The following COL4A5 variants were observed in gnomAD, a reference collection of about 807,000 sequenced individuals.
COL4A5 encodes the protein collagen alpha-5(IV) chain.
In COL4A5, 26 loss-of-function variants were observed where a neutral mutation model predicts 130.2. The observed-to-expected ratio is 0.20, with a 90% confidence interval of 0.15 to 0.28. The LOEUF is 0.28. Ranked by LOEUF, COL4A5 falls within the 10% of genes least tolerant of loss-of-function variation. COL4A5 has a pLI of 1.00. For synonymous variants in COL4A5, 496 were observed against 439.6 expected (o/e 1.13, Z -1.60); for missense variants, 1,131 against 1,344.3 (o/e 0.84, Z 2.48).
Position 108,681,887 on chromosome X carries a change from A to G in COL4A5, c.4215A>G (p.Pro1405=). The G allele has an allele frequency of 1.7e-6, 2 of 1,204,608 alleles. No individual in the cohort carries two copies. Among genetic ancestry groups the G allele is most frequent in the Non-Finnish European group, 2.2e-6 (2 of 890,028 alleles). The change falls in exon 47 of 53, where the codon CCA becomes CCG. Residue 1405 remains proline, a splice_region_variant and synonymous_variant. Coordinates refer to ENST00000328300, the MANE Select transcript of COL4A5 (RefSeq NM_033380.3). ...GACCCCAAGGACCTCAAGGCTTACC[A>G]GGTACCAATGCAGATCATCTTTATT... ...LPGPQGPQGL[P]GPTGPPGDPG...
chrX:108,557,383 A>T (rs73526250), intron 2 of COL4A5, among the ~76,000 whole-genome samples: 11,592 of 111,435 alleles, frequency 0.1, 1,297 homozygotes, highest in African/African-American at 0.34. Context: ...CATAATTTAA[A>T]CACTAATTAA....
intron 52 of COL4A5, 163 bp downstream of exon 52, chrX:108,695,602 A>G: frequency 1.9e-6 from 1 of 531,650 alleles, no homozygotes; most frequent in Non-Finnish European, 3.1e-6. Flanking sequence ...CTCAGGTCAG[A>G]AAAACAGACT....
intron 36 of COL4A5, among the ~76,000 whole-genome samples, chrX:108,640,657 T>C (rs913475683): frequency 1.8e-5 from 2 of 111,324 alleles, no homozygotes; most frequent in Non-Finnish European, 3.8e-5. Context: ...ATTCTGGAGA[T>C]ATATGGTGGT....
rs104886139 is a variant in COL4A5 at position 108,597,524 on chromosome X, G to A, written c.1735G>A (p.Gly579Arg). ...PGLPGLPGTPGQDGLPGLPGP... is the reference protein window; with the variant it reads ...PGLPGLPGTPRQDGLPGLPGP... ...GCTTCCTGGTTTACCTGGCACTCCTGGACAGGATGGATTGCCAGGGCTTCC... is the reference window on the plus strand; with the variant it reads ...GCTTCCTGGTTTACCTGGCACTCCTAGACAGGATGGATTGCCAGGGCTTCC... The change falls in exon 24 of 53, where the codon GGA becomes AGA. Residue 579 changes from glycine (G) to arginine (R), a missense_variant. Physicochemically the swap from Gly to Arg is moderately radical, Grantham distance 125. Coordinates refer to ENST00000328300, the MANE Select transcript of COL4A5 (RefSeq NM_033380.3). 8.3e-7 allele frequency: 1 copy of A among 1,210,485 alleles called. No homozygotes were observed. The highest frequency in any genetic ancestry group is 1.1e-6 in the Non-Finnish European group (1 of 895,196).
At chrX:108,455,062 A>C (rs748007113) in intron 1 of COL4A5, among the ~76,000 whole-genome samples, 7 of 112,371 alleles carry the variant, frequency 6.2e-5, no homozygotes, top group Admixed American at 1.9e-4. Context: ...TTGCTCCAAA[A>C]GATTTTTATT....
rs1460311723 is a variant in COL4A5, at chrX:108,621,152, TC to T, written c.2678-649del. Among the ~76,000 whole-genome samples, 241 of 102,745 alleles carry T rather than the reference TC, an allele frequency of 2.3e-3. 3 individuals are homozygous for T. The highest frequency in any genetic ancestry group is 8.2e-3 in the African/African-American group (225 of 27,390). The allele number at this position is 102,745 out of a possible 115,157, so 89.2% of individuals were successfully genotyped here. ...CTCTTTCTTTCTCTCTCTCCTTCCT[TC>T]CTTCTTTTTTTTTTTTTGAGACAGG... On this transcript the variant is annotated intron_variant, in intron 31 of 52. Transcript: ENST00000328300.
chrX:108,563,697 T>A (rs2147734311), intron 3 of COL4A5, among the ~76,000 whole-genome samples, 185 bp from the exon 4 acceptor site: 1 of 111,899 alleles, frequency 8.9e-6, no homozygotes, highest in South Asian at 3.7e-4. Flanking sequence ...TTTCTTATTT[T>A]GGGTCATACA....
intron 6 of COL4A5, 27 bp from the exon 7 acceptor site, chrX:108,571,386 A>G (rs759230161): frequency 3.6e-6 from 4 of 1,123,503 alleles, no homozygotes; most frequent in East Asian, 6.1e-5. Flanking sequence ...TTGTTCCTCC[A>G]TGCTCTTTAT....
intron 1 of COL4A5, among the ~76,000 whole-genome samples, chrX:108,492,917 C>T (rs1397874755): frequency 9.1e-6 from 1 of 110,497 alleles, no homozygotes; most frequent in African/African-American, 3.3e-5. Context: ...GAACTCTTTC[C>T]CAAATAGTAC....
intron 4 of COL4A5, among the ~76,000 whole-genome samples, chrX:108,567,045 A>G (rs975586063): frequency 3.6e-5 from 4 of 111,850 alleles, no homozygotes; most frequent in East Asian, 5.6e-4. Context: ...TTTTTCCTAC[A>G]ATATGCCTAT....
intron 1 of COL4A5, among the ~76,000 whole-genome samples, chrX:108,458,031 G>A (rs754480801): frequency 6.4e-4 from 71 of 111,722 alleles, no homozygotes; most frequent in Non-Finnish European, 1.2e-3. Flanking sequence ...GGTGGCTTGC[G>A]TTTTTGTTTT....
chrX:108,480,774 A>G (rs1487013278), intron 1 of COL4A5, among the ~76,000 whole-genome samples: 1 of 112,919 alleles, frequency 8.9e-6, no homozygotes, highest in East Asian at 2.8e-4. Flanking sequence ...GTCATTCTCC[A>G]AGATCCGTCT....
intron 8 of COL4A5, among the ~76,000 whole-genome samples, chrX:108,573,316 A>C (rs1439315458): frequency 9.0e-6 from 1 of 111,268 alleles, no homozygotes; most frequent in Non-Finnish European, 1.9e-5. Flanking sequence ...ATTGTTGGCA[A>C]ATACTTAATA....
chrX:108,626,677 C>T, intron 36 of COL4A5: 8 of 968,928 alleles, frequency 8.3e-6, no homozygotes, highest in Non-Finnish European at 1.0e-5. Context: ...GGCCTTTGTC[C>T]TAATGTTATT....
In COL4A5 at chrX:108,591,200, T is replaced by A; in HGVS notation, c.1308T>A (p.Pro436=). 1 of 1,210,017 alleles carries A rather than the reference T, an allele frequency of 8.3e-7. No individual in the cohort carries two copies. The highest frequency in any genetic ancestry group is 1.1e-6 in the Non-Finnish European group (1 of 894,843). Residue 436 remains proline (P), a synonymous_variant, in exon 20 of 53, where the codon CCT becomes CCA. Coordinates refer to ENST00000328300, the MANE Select transcript of COL4A5 (RefSeq NM_033380.3). ...GQPGAPGLPG[P]PGPAGPHIPP... ...CTGGGGCTCCTGGGCTTCCAGGGCCTCCTGGCCCTGCTGGCCCTCACATTC... is the reference window on the plus strand; with the variant it reads ...CTGGGGCTCCTGGGCTTCCAGGGCCACCTGGCCCTGCTGGCCCTCACATTC...
rs182845271 is a variant in COL4A5 at position 108,453,536 on chromosome X, T to G, written c.81+13330T>G. On this transcript the variant is annotated intron_variant, in intron 1 of 52. Coordinates refer to ENST00000328300, the MANE Select transcript of COL4A5 (RefSeq NM_033380.3). The stretch of plus-strand genomic sequence containing the variant: ...GCCACTTGAAAATGAATAAATAATT[T>G]TAAATATTACTCAGTTTTAATTTTT... Among the ~76,000 whole-genome samples, 112 of 111,925 alleles carry G rather than the reference T, an allele frequency of 1.0e-3. 4 individuals carry two copies. In the East Asian group the frequency reaches 0.03, roughly 30 times the overall value.
At chrX:108,679,044 T>C (rs1050809996) in intron 44 of COL4A5, among the ~76,000 whole-genome samples, 1 of 112,242 alleles carries the variant, frequency 8.9e-6, no homozygotes, top group African/African-American at 3.2e-5. Context: ...CATCCCCAGC[T>C]GGAATACTAC....
chrX:108,459,860 A>G (rs143248309), intron 1 of COL4A5, among the ~76,000 whole-genome samples: 1,128 of 112,416 alleles, frequency 0.01, 13 homozygotes, highest in African/African-American at 0.034. Context: ...GTTTTAATTT[A>G]CTATTACTTT....
chrX:108,684,830 T>G (rs1412077169), intron 47 of COL4A5, among the ~76,000 whole-genome samples: 4 of 112,432 alleles, frequency 3.6e-5, no homozygotes, highest in Non-Finnish European at 7.5e-5. Context: ...ACGTCCCTGA[T>G]GAACATCAAT....
Sources: gnomAD v4.1 joint callset for allele counts (sites outside exome capture counted in the v4.1 genomes callset) on GRCh38, gnomAD v4.1.1 for gene constraint, MANE v1.5 for transcripts, NCBI Gene and HGNC (gene_info 2026-07-23, HGNC 2026-07-21) for gene names.